Variants in KIF3C observed in about 807,000 individuals in gnomAD.
KIF3C encodes the protein kinesin family member 3C.
Under a neutral mutation model 67.7 loss-of-function variants are expected in KIF3C, and 12 were observed. The observed-to-expected ratio is 0.18, with a 90% CI of 0.11 to 0.29. KIF3C has a LOEUF of 0.29. KIF3C is among the 10% of genes least tolerant of loss of function. The pLI is 1.00. For missense variants in KIF3C, 789 were observed against 1,059.6 expected (o/e 0.74, Z 3.55); for synonymous variants, 393 against 426.2 (o/e 0.92, Z 0.96).
At chr2:25,972,877 A>T (rs1664316289) in intron 1 of KIF3C, among the ~76,000 whole-genome samples, 2 of 149,694 alleles carry the variant, frequency 1.3e-5, no homozygotes, top group African/African-American at 2.5e-5. Flanking sequence ...GTCCCCCTCT[A>T]TTTCTCTCTT....
In KIF3C at chr2:25,980,627, C is replaced by T; in HGVS notation, c.1291G>A (p.Val431Met). ...TTGTTGTCATCCTCCTCTTCTGCCA[C>T]CCAGGCCTCAATCACTGGGCCCTCA... ...YPEGPVIEAW[V>M]AEEEDDNNNN... The change falls in exon 1 of 8, where the codon GTG (valine) becomes ATG (methionine). Residue 431 changes from valine (V) to methionine (M), a missense_variant. By Grantham distance (21) the Val-to-Met change is conservative. This residue lies in a region of KIF3C where 648 missense variants were observed against 807.8 expected (regional missense o/e 0.80). Transcript: ENST00000264712. This position sits in a 1 kb window ranked among gnomAD's most constrained non-coding sequence, Gnocchi z 7.6. 6.2e-7 allele frequency: 1 copy of T among 1,614,084 alleles called. No homozygotes were observed. The highest frequency in any genetic ancestry group is 8.5e-7 in the Non-Finnish European group (1 of 1,180,036).
intron 1 of KIF3C, among the ~76,000 whole-genome samples, chr2:25,965,497 C>A (rs184429274): frequency 1.3e-5 from 2 of 151,860 alleles, no homozygotes; most frequent in Non-Finnish European, 2.9e-5. Context: ...TTTTGAGACA[C>A]GGGATCTCGC....
intron 1 of KIF3C, among the ~76,000 whole-genome samples, chr2:25,976,621 C>T (rs1438366382): frequency 2.0e-5 from 3 of 152,026 alleles, no homozygotes. Context: ...ATTAGCTGGG[C>T]ATGGTGGTGG....
At chr2:25,967,624 T>C (rs1295884269) in intron 1 of KIF3C, among the ~76,000 whole-genome samples, 3 of 152,254 alleles carry the variant, frequency 2.0e-5, no homozygotes, top group Non-Finnish European at 2.9e-5. Flanking sequence ...CTGGGCAACA[T>C]AGTGAGACCC....
At chr2:25,975,223 C>T (rs940591057) in intron 1 of KIF3C, among the ~76,000 whole-genome samples, 2 of 151,658 alleles carry the variant, frequency 1.3e-5, no homozygotes, top group African/African-American at 4.9e-5. Flanking sequence ...TGCAATGGTG[C>T]AATCAAGGCT....
chr2:25,951,648 C>A, intron 5 of KIF3C, 141 bp downstream of exon 5: 1 of 610,356 alleles, frequency 1.6e-6, no homozygotes, highest in Non-Finnish European at 2.9e-6. Context: ...GAAATTCATC[C>A]CCCATCGGCA....
chr2:25,962,530 C>T (rs1445809055), intron 1 of KIF3C, among the ~76,000 whole-genome samples: 4 of 151,082 alleles, frequency 2.6e-5, no homozygotes, highest in Admixed American at 6.7e-5. Context: ...AGGCGCGCAC[C>T]ACCACACCCG....
rs967135179 is a variant in KIF3C, at chr2:25,982,360, C to G, written c.-443G>C. The G allele has an allele frequency of 2.9e-4, 114 of 399,014 alleles. No homozygotes were observed. The highest frequency in any genetic ancestry group is 6.3e-4 in the Middle Eastern group (1 of 1,590). The allele number at this position is 399,014 out of a possible 1,614,324, so 24.7% of individuals were successfully genotyped here. On this transcript the variant is annotated 5_prime_UTR_variant, in exon 1 of 8. Transcript: ENST00000264712. ...CTGCCGGTCGTGGGCGGCCGGGGGT[C>G]CCGGGCCTCCCGAGGGCAGAGGCTC...
At chr2:25,964,452 A>T (rs1213936465) in intron 1 of KIF3C, among the ~76,000 whole-genome samples, 1 of 152,046 alleles carries the variant, frequency 6.6e-6, no homozygotes, top group East Asian at 1.9e-4. Context: ...TTGTGTTTTT[A>T]AAAACTTTTT....
At chr2:25,949,801 C>G (rs1400114338) in intron 5 of KIF3C, among the ~76,000 whole-genome samples, 1 of 151,630 alleles carries the variant, frequency 6.6e-6, no homozygotes, top group African/African-American at 2.4e-5. Flanking sequence ...GAAACCCCGT[C>G]TCTACTAAAA....
chr2:25,939,426 T>G (rs1663229897), intron 5 of KIF3C, among the ~76,000 whole-genome samples: 1 of 152,164 alleles, frequency 6.6e-6, no homozygotes, highest in Admixed American at 6.6e-5. Context: ...GCCCTGCTTG[T>G]CTGAACTCTC....
At chr2:25,961,912 C>T (rs571434014) in intron 1 of KIF3C, among the ~76,000 whole-genome samples, 1 of 147,008 alleles carries the variant, frequency 6.8e-6, no homozygotes, top group African/African-American at 2.5e-5. Context: ...CGTGCCACTG[C>T]ACTCCTGCCT....
intron 1 of KIF3C, among the ~76,000 whole-genome samples, chr2:25,966,075 G>T (rs1664132527): frequency 6.6e-6 from 1 of 151,852 alleles, no homozygotes; most frequent in African/African-American, 2.4e-5. Context: ...AGTCCTTGAA[G>T]CCTGAGTCTC....
rs139819004 is a variant in KIF3C at position 25,967,673 on chromosome 2, G to A, written c.1546-11229C>T. ...CATTTATTTTAAAAATTAGCCAGGC[G>A]TAGTATTGTGTGCCTGTAGTTCCAT... is the stretch of plus-strand genomic sequence containing the variant. On this transcript the variant is annotated intron_variant, in intron 1 of 7. Coordinates refer to ENST00000264712, the MANE Select transcript of KIF3C (RefSeq NM_002254.8). Among the ~76,000 whole-genome samples, 566 of 152,240 alleles carry A rather than the reference G, an allele frequency of 3.7e-3. 2 individuals are homozygous for A. Among genetic ancestry groups the A allele is most frequent in the African/African-American group, 0.013 (546 of 41,542 alleles).
rs1233462187 is a variant in KIF3C at position 25,928,135 on chromosome 2, A to G, written c.*843T>C. 6.6e-6 allele frequency: 1 copy of G among 152,356 alleles called. No homozygotes were observed. The highest frequency in any genetic ancestry group is 1.5e-5 in the Non-Finnish European group (1 of 68,052). 9.4% of individuals were successfully genotyped at this position (152,356 alleles called of 1,614,324 possible). ...AGCAGGCAGGAGCAGCCTCTTGAAA[A>G]TGGGGAGTTGCCTTGAGAGCCTGTC... On this transcript the variant is annotated 3_prime_UTR_variant, in exon 8 of 8. Transcript: ENST00000264712.
intron 5 of KIF3C, chr2:25,951,552 A>G (rs1348109660): frequency 2.2e-6 from 1 of 461,560 alleles, no homozygotes; most frequent in African/African-American, 2.0e-5. Flanking sequence ...ATCCCTCACA[A>G]GGTATTTTCT....
Position 25,981,396 on chromosome 2 carries a change from G to A in KIF3C, c.522C>T (p.Gly174=). The A allele has an allele frequency of 5.0e-6, 8 of 1,614,174 alleles. No individual in the cohort carries two copies. Among genetic ancestry groups the A allele is most frequent in the Non-Finnish European group, 3.4e-6 (4 of 1,180,022 alleles). The change falls in exon 1 of 8, where the codon GGC becomes GGT. Residue 174 remains glycine (G), a synonymous_variant. Transcript: ENST00000264712. The surrounding 1 kb of genome is among the most constrained non-coding windows in gnomAD (Gnocchi z 8.2). ...RLELKENPET[G]VYIKDLSSFV... is the part of the protein sequence containing the mutation. ...AGGAGGAGAGGTCCTTGATGTAGAC[G>A]CCAGTCTCGGGGTTCTCTTTCAGCT...
At chr2:25,953,184 G>A (rs1663672704) in intron 4 of KIF3C, among the ~76,000 whole-genome samples, 2 of 151,278 alleles carry the variant, frequency 1.3e-5, no homozygotes, top group South Asian at 2.1e-4. Context: ...CAGGAGGACC[G>A]CTTGAACTTG....
intron 4 of KIF3C, 25 bp from the exon 5 acceptor site, chr2:25,951,930 T>C: frequency 6.7e-7 from 1 of 1,494,596 alleles, no homozygotes; most frequent in Non-Finnish European, 9.3e-7. Flanking sequence ...GAAGGAGTGA[T>C]GGGAAAATGG....
Sources: allele counts gnomAD v4.1 joint callset (sites outside exome capture counted in the v4.1 genomes callset), GRCh38; gene constraint gnomAD v4.1.1; regional missense constraint gnomAD v4.1.1; non-coding constraint Gnocchi (gnomAD v3.1); transcripts MANE v1.5; gene names NCBI Gene and HGNC (gene_info 2026-07-23, HGNC 2026-07-21).